The following MYO10 variants were observed in gnomAD, a reference collection of about 807,000 sequenced individuals.
The protein encoded by MYO10 is unconventional myosin-X.
In MYO10, 133 loss-of-function variants were observed where a neutral mutation model predicts 257.3. The ratio of observed to expected loss-of-function variants is 0.52; its 90% CI spans 0.45 to 0.60. The LOEUF (loss-of-function observed/expected upper bound fraction) is 0.60. Among genes scored for constraint, MYO10 ranks in the 20% least tolerant of loss-of-function variants. MYO10 has a pLI of 0.00. For synonymous variants in MYO10, 1,104 were observed against 1,028.6 expected, an observed-to-expected ratio of 1.07 and a Z score of -1.40; for missense variants, 2,399 against 2,635.7, an observed-to-expected ratio of 0.91 and a Z score of 1.97.
chr5:16,730,974 GA>G (rs1739559066), intron 19 of MYO10, among the ~76,000 whole-genome samples: 1 of 152,040 alleles, frequency 6.6e-6, no homozygotes. Context: ...GGTATGGGGG[GA>G]GTTGGTGAAG....
At chr5:16,729,046 C>T (rs1000577552) in intron 19 of MYO10, among the ~76,000 whole-genome samples, 3 of 152,122 alleles carry the variant, frequency 2.0e-5, no homozygotes, top group Non-Finnish European at 4.4e-5. Flanking sequence ...TCAAATGCAC[C>T]AGTCCTCAAT....
At chr5:16,853,703 G>C (rs1012509416) in intron 2 of MYO10, among the ~76,000 whole-genome samples, 2 of 152,068 alleles carry the variant, frequency 1.3e-5, no homozygotes, top group African/African-American at 4.8e-5. Flanking sequence ...ATACTTAGGG[G>C]GCCTCAGTGT....
chr5:16,867,594 T>C (rs539130811), intron 2 of MYO10, among the ~76,000 whole-genome samples: 104 of 152,266 alleles, frequency 6.8e-4, no homozygotes, highest in South Asian at 1.5e-3. Flanking sequence ...TTCACAAAAT[T>C]GGGCCGATGG....
intron 1 of MYO10, among the ~76,000 whole-genome samples, chr5:16,879,126 A>G (rs994747468): frequency 2.0e-5 from 3 of 152,176 alleles, no homozygotes; most frequent in African/African-American, 7.2e-5. Flanking sequence ...CACCAAGCAC[A>G]TCCTTATGAA....
chr5:16,839,236 G>A (rs1255559893), intron 2 of MYO10, among the ~76,000 whole-genome samples: 3 of 152,186 alleles, frequency 2.0e-5, no homozygotes, highest in African/African-American at 7.2e-5. Context: ...CACCATTCTA[G>A]ATGCCATCAA....
intron 2 of MYO10, among the ~76,000 whole-genome samples, chr5:16,822,475 A>G (rs931059850): frequency 6.6e-6 from 1 of 152,088 alleles, no homozygotes; most frequent in Admixed American, 6.5e-5. Flanking sequence ...GAGTCTATGA[A>G]ACGTAATGAA....
chr5:16,865,877 C>T (rs1022026800), intron 2 of MYO10, among the ~76,000 whole-genome samples: 6 of 151,418 alleles, frequency 4.0e-5, no homozygotes, highest in Non-Finnish European at 7.4e-5. Flanking sequence ...TTAACAGGCT[C>T]GGAGTTTTTG....
At chr5:16,900,865 G>T (rs546000834) in intron 1 of MYO10, among the ~76,000 whole-genome samples, 1 of 150,566 alleles carries the variant, frequency 6.6e-6, no homozygotes, top group Non-Finnish European at 1.5e-5. Context: ...TCAGCCTCCC[G>T]AGTAGCTGGG....
At position 16,671,541 on chromosome 5, in the gene MYO10, GCC is replaced by G; in HGVS notation, c.5310-1_5310del. 1 of 1,613,940 alleles carries G rather than the reference GCC, an allele frequency of 6.2e-7. No individual in the cohort carries two copies. The stretch of plus-strand genomic sequence containing the variant: ...TCCCCAACCTCGGATGTGGCAGCCA[GCC>G]TACAGAGAGGAGTCAAGAGAGGCTC... On this transcript the variant is annotated splice_acceptor_variant and coding_sequence_variant, in exon 38 of 41. Transcript: ENST00000513610. LOFTEE classifies it high-confidence loss of function.
intron 17 of MYO10, among the ~76,000 whole-genome samples, chr5:16,758,436 G>A (rs1252705289): frequency 3.3e-5 from 5 of 152,228 alleles, no homozygotes; most frequent in Non-Finnish European, 1.5e-5. Context: ...AGAGACCAGA[G>A]TCTTGCAGAG....
intron 19 of MYO10, among the ~76,000 whole-genome samples, chr5:16,735,699 A>C (rs1305692516): frequency 3.9e-5 from 4 of 102,940 alleles, no homozygotes; most frequent in African/African-American, 9.7e-5. Context: ...AAAAAAAAAA[A>C]AAAACCCAAA....
chr5:16,730,601 C>G (rs531779425), intron 19 of MYO10, among the ~76,000 whole-genome samples: 10 of 152,282 alleles, frequency 6.6e-5, no homozygotes, highest in African/African-American at 2.2e-4. Flanking sequence ...TCAGCTGGTA[C>G]GGGATGCCAA....
intron 2 of MYO10, among the ~76,000 whole-genome samples, chr5:16,876,604 G>A (rs117099830): frequency 6.6e-6 from 1 of 152,154 alleles, no homozygotes. Flanking sequence ...ACCCAGACCT[G>A]AGTGCAGTGG....
At chr5:16,798,276 T>C (rs565981696) in intron 3 of MYO10, among the ~76,000 whole-genome samples, 3 of 152,278 alleles carry the variant, frequency 2.0e-5, no homozygotes, top group South Asian at 2.1e-4. Flanking sequence ...TTGTACAGCA[T>C]TGTGAATGTA....
intron 2 of MYO10, among the ~76,000 whole-genome samples, chr5:16,834,628 A>G (rs1446688783): frequency 6.6e-6 from 1 of 152,194 alleles, no homozygotes; most frequent in African/African-American, 2.4e-5. Context: ...TGTCATCTAA[A>G]ACCAACTCCA....
intron 38 of MYO10, 63 bp downstream of exon 38, chr5:16,671,359 A>G: frequency 6.3e-7 from 1 of 1,578,032 alleles, no homozygotes; most frequent in Non-Finnish European, 8.6e-7. Flanking sequence ...TACAAGGCTA[A>G]GTATTAACAG....
At chr5:16,678,138 C>T (rs1460560004) in intron 33 of MYO10, among the ~76,000 whole-genome samples, 2 of 152,206 alleles carry the variant, frequency 1.3e-5, no homozygotes, top group African/African-American at 4.8e-5. Context: ...GCACCGAAGA[C>T]TGAGTGTGGC....
chr5:16,702,868 G>T, intron 23 of MYO10, 57 bp downstream of exon 23: 3 of 1,454,010 alleles, frequency 2.1e-6, no homozygotes, highest in South Asian at 2.5e-5. Flanking sequence ...GACAGATACC[G>T]AGCACAGCAC....
In MYO10 at chr5:16,701,230, T is replaced by C. The variant is rs757617344; in HGVS notation, c.3165A>G (p.Pro1055=). 1 of 1,612,722 alleles carries C rather than the reference T, an allele frequency of 6.2e-7. No individual in the cohort carries two copies. Among genetic ancestry groups the C allele is most frequent in the Non-Finnish European group, 8.5e-7 (1 of 1,179,422 alleles). ...GTAGGCTCCCGGAGTCCTGCACTGA[T>C]GGGGCGAGCAGCACCGTGCTGTCCG... ...PSADSTVLLA[P]SVQDSGSLHN... is the part of the protein sequence containing the mutation. Residue 1055 remains proline, a synonymous_variant, in exon 25 of 41, where the codon CCA becomes CCG. Transcript: ENST00000513610. This position sits in a 1 kb window ranked among gnomAD's most constrained non-coding sequence, Gnocchi z 8.1.
Sources: allele counts gnomAD v4.1 joint callset (sites outside exome capture counted in the v4.1 genomes callset), GRCh38; gene constraint gnomAD v4.1.1; non-coding constraint Gnocchi (gnomAD v3.1); transcripts MANE v1.5; gene names NCBI Gene and HGNC (gene_info 2026-07-23, HGNC 2026-07-21).